RBFOX1: variants seen among roughly 807,000 people sequenced by gnomAD.
RBFOX1 encodes the protein RNA binding fox-1 homolog 1, also known as RNA binding protein fox-1 homolog 1.
Under a neutral mutation model 57.7 loss-of-function variants are expected in RBFOX1, and 8 were observed. The observed-to-expected ratio is 0.14, with a 90% CI of 0.08 to 0.25. RBFOX1 has a LOEUF of 0.25. Among genes scored for constraint, RBFOX1 ranks in the 10% least tolerant of loss-of-function variants. RBFOX1 has a pLI of 1.00. For synonymous variants in RBFOX1, 326 were observed against 222.4 expected (o/e 1.47, Z -4.15); for missense variants, 611 against 548.5 (o/e 1.11, Z -1.14).
chr16:7,324,881 C>G (rs1603621648), intron 4 of RBFOX1, among the ~76,000 whole-genome samples: 1 of 152,158 alleles, frequency 6.6e-6, no homozygotes, highest in East Asian at 1.9e-4. Context: ...CCCTAAAAAC[C>G]ATAAATTGAA....
At chr16:5,757,876 A>C (rs917698319) in intron 3 of RBFOX1, among the ~76,000 whole-genome samples, 2 of 152,120 alleles carry the variant, frequency 1.3e-5, no homozygotes, top group African/African-American at 4.8e-5. Flanking sequence ...TTGGGTCTCA[A>C]GCAATGAGAA....
chr16:5,536,101 C>A (rs74596085), intron 2 of RBFOX1, among the ~76,000 whole-genome samples: 1 of 117,068 alleles, frequency 8.5e-6, no homozygotes, highest in Non-Finnish European at 1.8e-5. Context: ...TCAAGCCCCC[C>A]CCCCCTTTTT....
In RBFOX1 at chr16:6,554,797, C is replaced by T. The variant is rs55944902; in HGVS notation, c.-63-99806C>T. On this transcript the variant is annotated intron_variant, in intron 2 of 15. Coordinates refer to ENST00000550418, the MANE Select transcript of RBFOX1 (RefSeq NM_018723.4). ...AGGTACACAGACACACACACAGACACACACAGATAAACACACAGACACACA... is the reference window on the plus strand; with the variant it reads ...AGGTACACAGACACACACACAGACATACACAGATAAACACACAGACACACA... 9.2e-3 allele frequency among the ~76,000 whole-genome samples: 1,385 copies of T among 150,302 alleles called. 23 individuals carry two copies. The highest frequency in any genetic ancestry group is 0.032 in the African/African-American group (1,286 of 39,832).
intron 3 of RBFOX1, among the ~76,000 whole-genome samples, chr16:7,024,581 A>G (rs916802136): frequency 6.6e-6 from 1 of 152,128 alleles, no homozygotes; most frequent in East Asian, 1.9e-4. Context: ...CAGGTAAGGG[A>G]TATATTGCAA....
At chr16:5,876,563 C>T (rs1237255895) in intron 4 of RBFOX1, among the ~76,000 whole-genome samples, 3 of 152,170 alleles carry the variant, frequency 2.0e-5, no homozygotes, top group Non-Finnish European at 4.4e-5. Context: ...TCTCATCTTC[C>T]AAGGCTTCCC....
At chr16:6,893,478 G>C (rs1264935536) in intron 3 of RBFOX1, among the ~76,000 whole-genome samples, 2 of 152,148 alleles carry the variant, frequency 1.3e-5, no homozygotes, top group Non-Finnish European at 2.9e-5. Flanking sequence ...CTGTGCGATA[G>C]AGAGGTCCCT....
At position 6,611,759 on chromosome 16, in the gene RBFOX1, C is replaced by G. The variant is rs893386328; in HGVS notation, c.-63-42844C>G. Among the ~76,000 whole-genome samples, 53 of 152,074 alleles carry G rather than the reference C, an allele frequency of 3.5e-4. 1 individual carries two copies. Among genetic ancestry groups the G allele is most frequent in the African/African-American group, 1.2e-3 (51 of 41,434 alleles). ...GTGGAAACTCTGAATGCAGGAGAAG[C>G]CAGAACTCATCTTCCCCTTCTCTCT... On this transcript the variant is annotated intron_variant, in intron 2 of 15. Transcript: ENST00000550418.
At chr16:6,000,576 CA>C (rs1459291832) in intron 4 of RBFOX1, among the ~76,000 whole-genome samples, 1 of 152,090 alleles carries the variant, frequency 6.6e-6, no homozygotes, top group Non-Finnish European at 1.5e-5. Context: ...TATAACTAGC[CA>C]GCCTCTAGAA....
At chr16:7,527,642 G>T (rs941923520) in intron 5 of RBFOX1, among the ~76,000 whole-genome samples, 1 of 152,106 alleles carries the variant, frequency 6.6e-6, no homozygotes, top group Non-Finnish European at 1.5e-5. Flanking sequence ...GGGACCATAG[G>T]CACGTTACAT....
chr16:5,525,206 G>A (rs896543299), intron 2 of RBFOX1, among the ~76,000 whole-genome samples: 5 of 152,052 alleles, frequency 3.3e-5, no homozygotes, highest in South Asian at 4.2e-4. Flanking sequence ...TCCAGGGTCC[G>A]GTCTTCATCT....
At chr16:5,564,840 A>G (rs1567235375) in intron 2 of RBFOX1, among the ~76,000 whole-genome samples, 1 of 152,180 alleles carries the variant, frequency 6.6e-6, no homozygotes, top group Non-Finnish European at 1.5e-5. Context: ...GGATGCCATC[A>G]TCGTGGCTGG....
intron 1 of RBFOX1, among the ~76,000 whole-genome samples, chr16:6,201,549 G>A (rs981801177): frequency 9.9e-5 from 15 of 152,100 alleles, no homozygotes; most frequent in Non-Finnish European, 1.9e-4. Flanking sequence ...GATTGGGGAT[G>A]GTTAATGGGT....
intron 3 of RBFOX1, among the ~76,000 whole-genome samples, chr16:6,744,579 C>G (rs565446301): frequency 1.3e-5 from 2 of 152,032 alleles, no homozygotes; most frequent in South Asian, 4.2e-4. Flanking sequence ...ATAAGCCACA[C>G]TTTAATAAAT....
chr16:6,975,027 G>A (rs13338477), intron 3 of RBFOX1, among the ~76,000 whole-genome samples: 6,067 of 152,172 alleles, frequency 0.04, 402 homozygotes, highest in African/African-American at 0.14. Context: ...TCACATGGTA[G>A]TACTTTTTCT....
At chr16:5,497,188 G>T (rs549734671) in intron 2 of RBFOX1, among the ~76,000 whole-genome samples, 1 of 152,104 alleles carries the variant, frequency 6.6e-6, no homozygotes, top group African/African-American at 2.4e-5. Flanking sequence ...TTTCACCGGG[G>T]TTGGTGAATT....
At chr16:6,172,029 G>A (rs2096964280) in intron 1 of RBFOX1, among the ~76,000 whole-genome samples, 1 of 151,930 alleles carries the variant, frequency 6.6e-6, no homozygotes, top group African/African-American at 2.4e-5. Flanking sequence ...CACTGTGTTA[G>A]GCAGGATAGT....
chr16:7,550,291 C>T (rs892006765), intron 5 of RBFOX1, among the ~76,000 whole-genome samples: 2 of 151,462 alleles, frequency 1.3e-5, no homozygotes, highest in Non-Finnish European at 2.9e-5. Context: ...CCCTTGAGTT[C>T]CGGAGAAGGG....
intron 1 of RBFOX1, among the ~76,000 whole-genome samples, chr16:5,403,672 C>T (rs1487724180): frequency 6.6e-6 from 1 of 152,104 alleles, no homozygotes; most frequent in Non-Finnish European, 1.5e-5. Context: ...TCTCGAGTTC[C>T]TGACTTCAGT....
chr16:6,862,975 ACT>A (rs35426688), intron 3 of RBFOX1, among the ~76,000 whole-genome samples: 25,388 of 149,028 alleles, frequency 0.17, 2,695 homozygotes, highest in East Asian at 0.3. Context: ...ACAGAGGGAG[ACT>A]CTGTCTAAAA....
Sources: gnomAD v4.1 joint callset for allele counts (sites outside exome capture counted in the v4.1 genomes callset) on GRCh38, gnomAD v4.1.1 for gene constraint, MANE v1.5 for transcripts, NCBI Gene and HGNC (gene_info 2026-07-23, HGNC 2026-07-21) for gene names.